RSF1: variants seen among roughly 807,000 people sequenced by gnomAD.
The protein encoded by RSF1 is HBV pX-associated protein 8.
A neutral mutation model predicts 145.2 loss-of-function variants in RSF1; 13 were observed. The observed-to-expected ratio is 0.09, with a 90% confidence interval of 0.06 to 0.14. RSF1 has a LOEUF of 0.14. RSF1 is among the 10% of genes least tolerant of loss of function. The pLI, the probability that RSF1 is intolerant of heterozygous loss-of-function variation, is 1.00. For synonymous variants in RSF1, 577 were observed against 592.6 expected (o/e 0.97, Z 0.38); for missense variants, 1,517 against 1,718.2 (o/e 0.88, Z 2.07).
intron 4 of RSF1, among the ~76,000 whole-genome samples, chr11:77,736,151 C>T (rs532813263): frequency 2.0e-5 from 3 of 152,336 alleles, no homozygotes; most frequent in African/African-American, 7.2e-5. Flanking sequence ...ATCTATCAGT[C>T]TTAAGACAAT....
chr11:77,787,043 T>A (rs1295242827), intron 1 of RSF1, among the ~76,000 whole-genome samples: 1 of 152,126 alleles, frequency 6.6e-6, no homozygotes, highest in East Asian at 1.9e-4. Flanking sequence ...GAGAAAAGTG[T>A]CAGAGAAGAG....
the RSF1 span, among the ~76,000 whole-genome samples, chr11:77,871,313 TAGCTGTCACTATTAAG>T: frequency 6.6e-6 from 1 of 152,216 alleles, no homozygotes; most frequent in South Asian, 2.1e-4. Flanking sequence ...TATCTAATAA[TAGCTGTCACTATTAAG>T]AACATCTTTT....
intron 2 of RSF1, chr11:77,763,071 TGGCTC>T (rs1948191734): frequency 6.6e-6 from 1 of 152,234 alleles, no homozygotes; most frequent in Non-Finnish European, 1.5e-5. Flanking sequence ...CCGGGCACGG[TGGCTC>T]ACGCCTGTAA....
chr11:77,698,542 A>C lies in RSF1; in HGVS notation c.2660T>G (p.Leu887Arg). The C allele has an allele frequency of 6.2e-7, 1 of 1,614,156 alleles. No individual in the cohort carries two copies. The highest frequency in any genetic ancestry group is 8.5e-7 in the Non-Finnish European group (1 of 1,180,008). The change falls in exon 7 of 16, where the codon CTA (leucine) becomes CGA (arginine). Residue 887 changes from leucine (L) to arginine (R), a missense_variant. Coordinates refer to ENST00000308488, the MANE Select transcript of RSF1 (RefSeq NM_016578.4). ...TTTGCATGGTTCATCATCATCTGCT[A>C]GGATGGCTTCTTCACTTTCCTTTTC... ...EEEKESEEAI[L>R]ADDDEPCKKC...
chr11:77,842,852 C>G, the RSF1 span, among the ~76,000 whole-genome samples: 1 of 152,198 alleles, frequency 6.6e-6, no homozygotes, highest in African/African-American at 2.4e-5. Context: ...ACTTGTACAA[C>G]AGTTACCACT....
chr11:77,707,337 T>C (rs924700254), intron 5 of RSF1, among the ~76,000 whole-genome samples: 1 of 152,324 alleles, frequency 6.6e-6, no homozygotes, highest in East Asian at 1.9e-4. Flanking sequence ...AAGTCTTATG[T>C]AGACTGTAAA....
chr11:77,789,549 A>ACC (rs1440783794), intron 1 of RSF1, among the ~76,000 whole-genome samples: 1 of 151,994 alleles, frequency 6.6e-6, no homozygotes, highest in Non-Finnish European at 1.5e-5. Context: ...AGGCGCGAGC[A>ACC]CCCCCAGACT....
At chr11:77,794,397 T>C (rs1948551449) in intron 1 of RSF1, among the ~76,000 whole-genome samples, 1 of 152,002 alleles carries the variant, frequency 6.6e-6, no homozygotes, top group African/African-American at 2.4e-5. Flanking sequence ...TACAAATACA[T>C]GGGGCCAGGC....
rs1389739302 is a variant in RSF1 at position 77,663,905 on chromosome 11, C to T, written c.*3012G>A. On this transcript the variant is annotated 3_prime_UTR_variant, in exon 16 of 16. Transcript: ENST00000308488. ...CTAGAGTTTGACACTGGGAGTCCAA[C>T]TTGTATTTCAACAAGGGGGGTTTAA... The T allele has an allele frequency of 6.6e-6, 1 of 152,116 alleles. No homozygotes were observed. The highest frequency in any genetic ancestry group is 2.4e-5 in the African/African-American group (1 of 41,424). 9.4% of individuals were successfully genotyped at this position (152,116 alleles called of 1,614,324 possible).
chr11:77,728,378 G>C (rs899525486), intron 4 of RSF1, among the ~76,000 whole-genome samples: 19 of 152,068 alleles, frequency 1.2e-4, no homozygotes, highest in African/African-American at 4.6e-4. Context: ...TACTCTACTT[G>C]AAAGTGGCCA....
At position 77,661,551 on chromosome 11, in the gene RSF1, C is replaced by T. The variant is rs770081399; in HGVS notation, c.*5366G>A. 6.6e-6 allele frequency: 1 copy of T among 151,670 alleles called. No homozygotes were observed. The highest frequency in any genetic ancestry group is 1.5e-5 in the Non-Finnish European group (1 of 67,936). 9.4% of individuals were successfully genotyped at this position (151,670 alleles called of 1,614,324 possible). ...TGTCCACATAGCAGTTGACATGCAC[C>T]AATTCTGCTAAAGGGCAGGAGAATG... On this transcript the variant is annotated 3_prime_UTR_variant, in exon 16 of 16. Coordinates refer to ENST00000308488, the MANE Select transcript of RSF1 (RefSeq NM_016578.4).
At chr11:77,699,895 T>C (rs1295284010) in intron 6 of RSF1, among the ~76,000 whole-genome samples, 1 of 152,174 alleles carries the variant, frequency 6.6e-6, no homozygotes, top group African/African-American at 2.4e-5. Context: ...ATCCACACTA[T>C]GGAGTACTGT....
chr11:77,809,165 T>C (rs12418476), intron 1 of RSF1, among the ~76,000 whole-genome samples: 26,898 of 152,178 alleles, frequency 0.18, 2,963 homozygotes, highest in African/African-American at 0.29. Flanking sequence ...TACTTTACCT[T>C]TCTAAATAGT....
rs1051411022 is a variant in RSF1, at chr11:77,813,721, G to GT, written c.187+6806_187+6807insA. On this transcript the variant is annotated intron_variant, in intron 1 of 15. Transcript: ENST00000308488. Reference sequence around the variant, plus strand: ...GACCGACTTGTTCCTCGGCGAGAGCGAACAGTAGTGAGTAAGGAGCAGGAG... The same window carrying GT: ...GACCGACTTGTTCCTCGGCGAGAGCGTAACAGTAGTGAGTAAGGAGCAGGAG... The GT allele has an allele frequency of 2.7e-4, 106 of 399,000 alleles. 1 individual carries two copies. Among genetic ancestry groups the GT allele is most frequent in the South Asian group, 1.5e-3 (71 of 47,720 alleles). The allele number at this position is 399,000 out of a possible 1,614,324, so 24.7% of individuals were successfully genotyped here.
chr11:77,695,944 C>T (rs949609794), intron 7 of RSF1, among the ~76,000 whole-genome samples: 7 of 152,142 alleles, frequency 4.6e-5, no homozygotes, highest in African/African-American at 7.2e-5. Flanking sequence ...TTTGCTCAAC[C>T]CTAGTATAGA....
At chr11:77,732,273 C>T (rs1180774475) in intron 4 of RSF1, among the ~76,000 whole-genome samples, 1 of 152,176 alleles carries the variant, frequency 6.6e-6, no homozygotes, top group Non-Finnish European at 1.5e-5. Flanking sequence ...TTTGGAATGG[C>T]TGTGTTTACC....
chr11:77,680,382 G>C (rs1012079789), intron 11 of RSF1, among the ~76,000 whole-genome samples: 2 of 152,148 alleles, frequency 1.3e-5, no homozygotes, highest in African/African-American at 4.8e-5. Flanking sequence ...CGAGGCCGCA[G>C]TGAGCTGTGA....
the RSF1 span, among the ~76,000 whole-genome samples, chr11:77,857,072 C>T: frequency 2.0e-5 from 3 of 152,120 alleles, no homozygotes; most frequent in South Asian, 4.1e-4. Context: ...ATATCATCAC[C>T]CAACATTAAA....
intron 2 of RSF1, 138 bp from the exon 3 acceptor site, chr11:77,747,266 C>A: frequency 3.7e-6 from 2 of 534,620 alleles, no homozygotes; most frequent in South Asian, 2.6e-5. Context: ...CCAACTGCAC[C>A]CTAAAATGCA....
Sources: allele counts gnomAD v4.1 joint callset (sites outside exome capture counted in the v4.1 genomes callset), GRCh38; gene constraint gnomAD v4.1.1; transcripts MANE v1.5; gene names NCBI Gene and HGNC (gene_info 2026-07-23, HGNC 2026-07-21).